The following MCC variants were observed in gnomAD, a reference collection of about 807,000 sequenced individuals.
MCC encodes the protein MCC regulator of Wnt signaling pathway, also known as colorectal mutant cancer protein.
MCC carries 90 observed loss-of-function variants against 116.2 expected under a neutral mutation model. That is an observed-to-expected ratio of 0.77 (90% CI 0.65 to 0.92). MCC has a LOEUF of 0.92. Ranked by LOEUF, MCC falls within the 40% of genes least tolerant of loss-of-function variation. The probability of loss-of-function intolerance (pLI) is 0.00; values close to 1 mark genes in which losing one functional copy is unlikely to be tolerated. For synonymous variants in MCC, 578 were observed against 510.5 expected, an observed-to-expected ratio of 1.13 and a Z score of -1.78; for missense variants, 1,516 against 1,312.2, an observed-to-expected ratio of 1.16 and a Z score of -2.40.
chr5:113,077,586 T>C (rs1207982915), intron 11 of MCC, among the ~76,000 whole-genome samples: 1 of 152,104 alleles, frequency 6.6e-6, no homozygotes, highest in Admixed American at 6.5e-5. Flanking sequence ...AAGGCAGAAA[T>C]AAAGATGTTC....
At chr5:113,447,003 T>A (rs569141149) in intron 1 of MCC, among the ~76,000 whole-genome samples, 1 of 152,292 alleles carries the variant, frequency 6.6e-6, no homozygotes, top group South Asian at 2.1e-4. Flanking sequence ...GGTCCAACCC[T>A]CCCCTCATCT....
chr5:113,115,030 C>A (rs1451426519), intron 6 of MCC, among the ~76,000 whole-genome samples: 1 of 148,846 alleles, frequency 6.7e-6, no homozygotes, highest in Non-Finnish European at 1.5e-5. Context: ...CTTAAGCTGT[C>A]CACGAACAGC....
At chr5:113,466,289 C>T (rs1318336239) in intron 1 of MCC, among the ~76,000 whole-genome samples, 3 of 151,224 alleles carry the variant, frequency 2.0e-5, no homozygotes, top group East Asian at 3.9e-4. Context: ...CCCACCAACT[C>T]GTCATTTAGC....
chr5:113,307,820 AT>A (rs1767024994), intron 3 of MCC, among the ~76,000 whole-genome samples: 1 of 152,150 alleles, frequency 6.6e-6, no homozygotes, highest in East Asian at 1.9e-4. Context: ...ATAAATTTTT[AT>A]CCCTGACCAC....
At chr5:113,155,988 C>G (rs1760149072) in intron 3 of MCC, among the ~76,000 whole-genome samples, 1 of 152,148 alleles carries the variant, frequency 6.6e-6, no homozygotes, top group African/African-American at 2.4e-5. Flanking sequence ...GAGGGCACAT[C>G]CTTTTTCCTT....
intron 3 of MCC, among the ~76,000 whole-genome samples, chr5:113,287,390 G>A (rs1224582925): frequency 1.3e-5 from 2 of 152,078 alleles, no homozygotes; most frequent in Non-Finnish European, 2.9e-5. Context: ...GTGCTGTGGT[G>A]CGATCTTGGC....
chr5:113,281,879 CTACTT>C (rs771957500), intron 3 of MCC, among the ~76,000 whole-genome samples: 7 of 152,214 alleles, frequency 4.6e-5, no homozygotes, highest in Non-Finnish European at 8.8e-5. Flanking sequence ...CACTTCTACT[CTACTT>C]GGCATCTTCA....
At chr5:113,346,834 G>A (rs1845291) in intron 2 of MCC, among the ~76,000 whole-genome samples, 64,968 of 151,510 alleles carry the variant, frequency 0.43, 15,283 homozygotes, top group African/African-American at 0.62. Flanking sequence ...GCAAGAGAAA[G>A]GAAACAAATA....
chr5:113,064,662 C>T lies in MCC; in HGVS notation c.2030-495G>A, dbSNP rs918365549. Among the ~76,000 whole-genome samples the T allele has an allele frequency of 3.9e-5, 6 of 152,166 alleles. No individual in the cohort carries two copies. In the South Asian group the frequency reaches 6.2e-4, roughly 16 times the overall value. On this transcript the variant is annotated intron_variant, in intron 13 of 18. Coordinates refer to ENST00000408903, the MANE Select transcript of MCC (RefSeq NM_001085377.2). ...AGAGAGACAAAACTAATGGTTCAGACGAGAGCTTTAGATTGGCTCTGTATT... is the reference window on the plus strand; with the variant it reads ...AGAGAGACAAAACTAATGGTTCAGATGAGAGCTTTAGATTGGCTCTGTATT...
At chr5:113,313,371 C>A (rs369847168) in intron 3 of MCC, among the ~76,000 whole-genome samples, 17 of 151,912 alleles carry the variant, frequency 1.1e-4, no homozygotes, top group African/African-American at 3.6e-4. Flanking sequence ...AAACAAACAA[C>A]AAAAACGTGT....
chr5:113,062,013 C>T (rs1307435437), intron 14 of MCC, among the ~76,000 whole-genome samples: 1 of 152,166 alleles, frequency 6.6e-6, no homozygotes, highest in Non-Finnish European at 1.5e-5. Context: ...GCATCAGGTT[C>T]TAAGAATGTG....
chr5:113,258,841 T>C (rs1265264946), intron 3 of MCC, among the ~76,000 whole-genome samples: 2 of 152,224 alleles, frequency 1.3e-5, no homozygotes, highest in Admixed American at 1.3e-4. Flanking sequence ...ACATAAAATA[T>C]ATAAAGTAAT....
chr5:113,205,306 T>C (rs1388506480), intron 3 of MCC, among the ~76,000 whole-genome samples: 4 of 152,216 alleles, frequency 2.6e-5, no homozygotes, highest in Non-Finnish European at 5.9e-5. Context: ...AGCTTCACTT[T>C]TGAGCCTTAA....
chr5:113,057,316 C>T (rs1752900463), intron 14 of MCC, among the ~76,000 whole-genome samples: 1 of 152,128 alleles, frequency 6.6e-6, no homozygotes, highest in South Asian at 2.1e-4. Context: ...CAGGATCCAT[C>T]TGGCCTCTAG....
intron 11 of MCC, among the ~76,000 whole-genome samples, chr5:113,081,361 C>T (rs1443278245): frequency 6.6e-6 from 1 of 152,226 alleles, no homozygotes; most frequent in East Asian, 1.9e-4. Flanking sequence ...AACAGGACTA[C>T]TCTACCCTCA....
At chr5:113,410,660 T>C (rs1769964209) in intron 1 of MCC, among the ~76,000 whole-genome samples, 1 of 152,254 alleles carries the variant, frequency 6.6e-6, no homozygotes, top group South Asian at 2.1e-4. Flanking sequence ...GTGCACAACG[T>C]GCAGGTTACA....
At position 113,120,365 on chromosome 5, in the gene MCC, A is replaced by G. The variant is rs114677894; in HGVS notation, c.1027+2319T>C. On this transcript the variant is annotated intron_variant, in intron 6 of 18. Coordinates refer to ENST00000408903, the MANE Select transcript of MCC (RefSeq NM_001085377.2). Reference sequence around the variant, plus strand: ...TTGGGGGAAGTGTCTTCACTCCTCAACATAATTCTGCCTGGCTTAAGCTGT... The same window carrying G: ...TTGGGGGAAGTGTCTTCACTCCTCAGCATAATTCTGCCTGGCTTAAGCTGT... Among the ~76,000 whole-genome samples, 870 of 152,306 alleles carry G rather than the reference A, an allele frequency of 5.7e-3. 6 individuals carry two copies. The highest frequency in any genetic ancestry group is 0.011 in the Admixed American group (164 of 15,296).
In MCC at chr5:113,122,664, G is replaced by A; in HGVS notation, c.1027+20C>T. 5 of 1,610,472 alleles carry A rather than the reference G, an allele frequency of 3.1e-6. No homozygotes were observed. The highest frequency in any genetic ancestry group is 4.2e-6 in the Non-Finnish European group (5 of 1,178,306). On this transcript the variant is annotated intron_variant, in intron 6 of 18. Coordinates refer to ENST00000408903, the MANE Select transcript of MCC (RefSeq NM_001085377.2). ...CCAGAAACCAAACTCTGGCTTGGTG[G>A]CAAGGGCAGGCAGACTCACCCATGT...
intron 3 of MCC, among the ~76,000 whole-genome samples, chr5:113,239,270 G>A (rs1764268663): frequency 1.3e-5 from 2 of 152,142 alleles, no homozygotes; most frequent in Admixed American, 1.3e-4. Flanking sequence ...ATGTTTCAGT[G>A]GGGACGGCCC....
Sources: allele counts gnomAD v4.1 joint callset (sites outside exome capture counted in the v4.1 genomes callset), GRCh38; gene constraint gnomAD v4.1.1; transcripts MANE v1.5; gene names NCBI Gene and HGNC (gene_info 2026-07-23, HGNC 2026-07-21).